The following WWOX variants were observed in gnomAD, a reference collection of about 807,000 sequenced individuals.
The protein encoded by WWOX is WW domain-containing oxidoreductase.
WWOX carries 69 observed loss-of-function variants against 46.2 expected under a neutral mutation model. The observed-to-expected ratio is 1.49, with a 90% confidence interval of 1.23 to 1.82. The LOEUF (loss-of-function observed/expected upper bound fraction) is 1.82, where lower values mean the gene tolerates loss of function less well. Among genes scored for constraint, WWOX ranks in the 40% most tolerant of loss-of-function variants. The pLI is 0.00. For missense variants in WWOX, 919 were observed against 542.6 expected, an observed-to-expected ratio of 1.69 and a Z score of -6.89; for synonymous variants, 359 against 202.6, an observed-to-expected ratio of 1.77 and a Z score of -6.56.
At chr16:78,971,657 C>T (rs2046472838) in intron 8 of WWOX, among the ~76,000 whole-genome samples, 1 of 151,842 alleles carries the variant, frequency 6.6e-6, no homozygotes, top group East Asian at 1.9e-4. Context: ...CCTTATATTC[C>T]TTAGGGTTCC....
At position 78,218,678 on chromosome 16, in the gene WWOX, A is replaced by G. The variant is rs112280034; in HGVS notation, c.516+54389A>G. ...ATTTATGATGTGTAGCGTGGTCTCC[A>G]TTCTAGAAAGCAAAGTAGGGAAAGC... is the stretch of plus-strand genomic sequence containing the variant. On this transcript the variant is annotated intron_variant, in intron 5 of 8. Transcript: ENST00000566780. 7.7e-3 allele frequency among the ~76,000 whole-genome samples: 1,166 copies of G among 152,300 alleles called. 6 individuals are homozygous for G. Among genetic ancestry groups the G allele is most frequent in the Non-Finnish European group, 0.013 (858 of 68,028 alleles).
At chr16:78,878,569 C>G (rs903046360) in intron 8 of WWOX, among the ~76,000 whole-genome samples, 3 of 152,144 alleles carry the variant, frequency 2.0e-5, no homozygotes, top group Non-Finnish European at 2.9e-5. Context: ...ATTATATTAA[C>G]ACCTATTTTA....
intron 5 of WWOX, among the ~76,000 whole-genome samples, chr16:78,208,894 C>G (rs978408423): frequency 6.6e-6 from 1 of 152,022 alleles, no homozygotes; most frequent in African/African-American, 2.4e-5. Flanking sequence ...AATTGTCTTA[C>G]AGCTTTTTAT....
Position 78,981,868 on chromosome 16 carries a change from C to G in WWOX, c.1057-229740C>G, listed in dbSNP as rs554945246. ...CTAATTTCAAAGTCCTTCCTGTGTC[C>G]ACTTTGCCAGGTGCCCCCCGAAAAG... On this transcript the variant is annotated intron_variant, in intron 8 of 8. Coordinates refer to ENST00000566780, the MANE Select transcript of WWOX (RefSeq NM_016373.4). 9.2e-5 allele frequency: 14 copies of G among 152,252 alleles called. No individual in the cohort carries two copies. The East Asian group carries it at 2.7e-3, about 29-fold the overall frequency. 9.4% of individuals were successfully genotyped at this position (152,252 alleles called of 1,614,324 possible).
At chr16:78,816,756 C>G (rs2051341029) in intron 8 of WWOX, among the ~76,000 whole-genome samples, 1 of 151,974 alleles carries the variant, frequency 6.6e-6, no homozygotes, top group African/African-American at 2.4e-5. Flanking sequence ...GGGGTTGGCT[C>G]TGATTTTGTG....
intron 5 of WWOX, among the ~76,000 whole-genome samples, chr16:78,323,107 T>A (rs2080523829): frequency 6.6e-6 from 1 of 152,010 alleles, no homozygotes; most frequent in Admixed American, 6.6e-5. Flanking sequence ...TTCTTGTATT[T>A]TTTTTTGTTT....
At chr16:78,620,357 G>T (rs1338315340) in intron 8 of WWOX, among the ~76,000 whole-genome samples, 2 of 152,160 alleles carry the variant, frequency 1.3e-5, no homozygotes, top group African/African-American at 2.4e-5. Flanking sequence ...TCAATCAGGT[G>T]CTTAGGTTTG....
At chr16:78,696,149 G>A (rs920678953) in intron 8 of WWOX, among the ~76,000 whole-genome samples, 2 of 152,124 alleles carry the variant, frequency 1.3e-5, no homozygotes, top group African/African-American at 4.8e-5. Flanking sequence ...TCAGAAATAC[G>A]GTGTCCCTGC....
chr16:78,770,813 A>T (rs112849201), intron 8 of WWOX, among the ~76,000 whole-genome samples: 5,775 of 152,334 alleles, frequency 0.038, 161 homozygotes, highest in South Asian at 0.11. Flanking sequence ...CTTTCCTCCC[A>T]AGCCGAGCAA....
At position 78,258,505 on chromosome 16, in the gene WWOX, G is replaced by A. The variant is rs144772426; in HGVS notation, c.516+94216G>A. Among the ~76,000 whole-genome samples the A allele has an allele frequency of 2.0e-3, 309 of 152,124 alleles. 4 individuals are homozygous for A. Among genetic ancestry groups the A allele is most frequent in the Non-Finnish European group, 1.4e-3 (97 of 67,996 alleles). On this transcript the variant is annotated intron_variant, in intron 5 of 8. Transcript: ENST00000566780. ...GGGTAATCTGTGCTAAGTTTATGGT[G>A]TGTCTGCCAGGGCTCTGCTTTAAAA... is the stretch of plus-strand genomic sequence containing the variant.
At chr16:78,127,679 C>T (rs1035950418) in intron 4 of WWOX, among the ~76,000 whole-genome samples, 8 of 152,150 alleles carry the variant, frequency 5.3e-5, no homozygotes, top group African/African-American at 1.9e-4. Flanking sequence ...TCTGCATTAG[C>T]ACACTTGTTC....
chr16:78,938,402 G>A (rs73583259), intron 8 of WWOX, among the ~76,000 whole-genome samples: 8 of 152,048 alleles, frequency 5.3e-5, no homozygotes, highest in African/African-American at 1.9e-4. Flanking sequence ...AAGTGCAGAG[G>A]CCCAGACACA....
chr16:78,817,975 G>A lies in WWOX; in HGVS notation c.1056+385223G>A, dbSNP rs190402329. Reference sequence around the variant, plus strand: ...ACGTGCCTTGGAATTAACACCTATGGAAGGGAAGAAAACGAAGATGGAGTG... The same window carrying A: ...ACGTGCCTTGGAATTAACACCTATGAAAGGGAAGAAAACGAAGATGGAGTG... On this transcript the variant is annotated intron_variant, in intron 8 of 8. Transcript: ENST00000566780. Among the ~76,000 whole-genome samples, 3 of 152,308 alleles carry A rather than the reference G, an allele frequency of 2.0e-5. No individual in the cohort carries two copies. In the East Asian group the frequency reaches 5.8e-4, roughly 29 times the overall value.
intron 8 of WWOX, among the ~76,000 whole-genome samples, chr16:79,084,924 G>T (rs928516913): frequency 1.3e-5 from 2 of 152,168 alleles, no homozygotes; most frequent in Non-Finnish European, 1.5e-5. Context: ...TTACAAAGAT[G>T]ATATAATTTT....
At chr16:78,422,417 C>G (rs1320607988) in intron 6 of WWOX, among the ~76,000 whole-genome samples, 2 of 151,218 alleles carry the variant, frequency 1.3e-5, no homozygotes, top group African/African-American at 4.9e-5. Flanking sequence ...GATCATAGCT[C>G]ATTGCAGCCC....
chr16:78,509,467 A>G (rs986245708), intron 8 of WWOX, among the ~76,000 whole-genome samples: 1 of 151,942 alleles, frequency 6.6e-6, no homozygotes, highest in African/African-American at 2.4e-5. Flanking sequence ...TAATAATAAT[A>G]ATAATCGCAC....
chr16:78,445,266 G>C lies in WWOX; in HGVS notation c.1056+12514G>C, dbSNP rs1357097580. Among the ~76,000 whole-genome samples the C allele has an allele frequency of 2.0e-5, 3 of 152,294 alleles. No individual in the cohort carries two copies. In the East Asian group the frequency reaches 5.8e-4, roughly 29 times the overall value. On this transcript the variant is annotated intron_variant, in intron 8 of 8. Transcript: ENST00000566780. Reference sequence around the variant, plus strand: ...TTTCCACAAAGGATTTGGGGCATTAGCGAGTAAAGGGGGAATATGTTCTAG... The same window carrying C: ...TTTCCACAAAGGATTTGGGGCATTACCGAGTAAAGGGGGAATATGTTCTAG...
chr16:78,862,668 C>T (rs777009061), intron 8 of WWOX, among the ~76,000 whole-genome samples: 1 of 152,052 alleles, frequency 6.6e-6, no homozygotes, highest in Non-Finnish European at 1.5e-5. Flanking sequence ...ATTCCATATC[C>T]AAGTCTGAGT....
At chr16:78,797,126 C>T (rs938080881) in intron 8 of WWOX, among the ~76,000 whole-genome samples, 2 of 151,846 alleles carry the variant, frequency 1.3e-5, no homozygotes, top group Non-Finnish European at 2.9e-5. Context: ...GTGCTGGGCC[C>T]CAACTTTCTT....
Sources: allele counts gnomAD v4.1 joint callset (sites outside exome capture counted in the v4.1 genomes callset), GRCh38; gene constraint gnomAD v4.1.1; transcripts MANE v1.5; gene names NCBI Gene and HGNC (gene_info 2026-07-23, HGNC 2026-07-21).